Variants in RBFOX1 observed in about 807,000 individuals in gnomAD.
RBFOX1 encodes the protein RNA binding fox-1 homolog 1, also known as RNA binding protein fox-1 homolog 1.
In RBFOX1, 8 loss-of-function variants were observed where a neutral mutation model predicts 57.7. The observed-to-expected ratio is 0.14, with a 90% CI of 0.08 to 0.25. The LOEUF is 0.25. Ranked by LOEUF, RBFOX1 falls within the 10% of genes least tolerant of loss-of-function variation. RBFOX1 has a pLI of 1.00. For missense variants in RBFOX1, 611 were observed against 548.5 expected, an observed-to-expected ratio of 1.11 and a Z score of -1.14; for synonymous variants, 326 against 222.4, an observed-to-expected ratio of 1.47 and a Z score of -4.15.
At chr16:5,868,076 G>A (rs2057385014) in intron 4 of RBFOX1, among the ~76,000 whole-genome samples, 1 of 152,138 alleles carries the variant, frequency 6.6e-6, no homozygotes, top group African/African-American at 2.4e-5. Flanking sequence ...TGACAACATA[G>A]GTAAAGAATA....
chr16:7,534,378 C>A (rs1056916818), intron 5 of RBFOX1, among the ~76,000 whole-genome samples: 2 of 152,002 alleles, frequency 1.3e-5, no homozygotes, highest in African/African-American at 4.8e-5. Context: ...CAGGCATGAA[C>A]CACAGTGCAC....
At chr16:7,478,161 G>C (rs2063131096) in intron 4 of RBFOX1, among the ~76,000 whole-genome samples, 1 of 152,208 alleles carries the variant, frequency 6.6e-6, no homozygotes, top group Non-Finnish European at 1.5e-5. Context: ...ATCTGTAAAA[G>C]AAAGTTTTTT....
At position 7,685,398 on chromosome 16, in the gene RBFOX1, T is replaced by C. The variant is rs146048367; in HGVS notation, c.995+8560T>C. On this transcript the variant is annotated intron_variant, in intron 14 of 15. Coordinates refer to ENST00000550418, the MANE Select transcript of RBFOX1 (RefSeq NM_018723.4). ...ACAATTAATTCTTTACCCCAAAAGA[T>C]CCGTGGACGGAAACAGTTATTTATG... Among the ~76,000 whole-genome samples, 5 of 152,230 alleles carry C rather than the reference T, an allele frequency of 3.3e-5. No individual in the cohort carries two copies. In the East Asian group the frequency reaches 9.7e-4, roughly 29 times the overall value.
intron 1 of RBFOX1, among the ~76,000 whole-genome samples, chr16:6,123,775 C>A (rs2096568676): frequency 6.6e-6 from 1 of 152,154 alleles, no homozygotes; most frequent in African/African-American, 2.4e-5. Flanking sequence ...CATGTTGGCA[C>A]ATGCCTGTAA....
At chr16:6,851,532 T>A (rs532712623) in intron 3 of RBFOX1, among the ~76,000 whole-genome samples, 3 of 152,216 alleles carry the variant, frequency 2.0e-5, no homozygotes, top group Admixed American at 1.3e-4. Context: ...ATTTTACATA[T>A]TAAATTTTTA....
chr16:7,633,294 T>A (rs1468326903), intron 11 of RBFOX1, among the ~76,000 whole-genome samples: 1 of 152,254 alleles, frequency 6.6e-6, no homozygotes, highest in Non-Finnish European at 1.5e-5. Context: ...TGTGTGTAGC[T>A]GTACCTTTTT....
intron 1 of RBFOX1, among the ~76,000 whole-genome samples, chr16:5,325,538 G>C (rs1442922836): frequency 2.6e-5 from 4 of 152,022 alleles, no homozygotes; most frequent in Admixed American, 2.6e-4. Context: ...CTATAGTCAG[G>C]GTAAAGAACA....
At chr16:5,517,048 G>C (rs71390668) in intron 2 of RBFOX1, among the ~76,000 whole-genome samples, 17,248 of 151,446 alleles carry the variant, frequency 0.11, 1,123 homozygotes, top group Middle Eastern at 0.15. Context: ...GTGCATACAG[G>C]TTCATAAAAA....
chr16:6,053,753 C>G (rs2095581167), intron 1 of RBFOX1, among the ~76,000 whole-genome samples: 1 of 152,116 alleles, frequency 6.6e-6, no homozygotes, highest in African/African-American at 2.4e-5. Flanking sequence ...CTTGTACAAT[C>G]TTAATGGGAC....
intron 3 of RBFOX1, among the ~76,000 whole-genome samples, chr16:7,011,055 T>A (rs1481791049): frequency 4.7e-5 from 7 of 148,466 alleles, no homozygotes; most frequent in Non-Finnish European, 1.0e-4. Flanking sequence ...GCCTTTTAAT[T>A]GAAAGCAAAT....
In RBFOX1 at chr16:6,696,243, A is replaced by G. The variant is rs2061025555; in HGVS notation, c.-16+41593A>G. On this transcript the variant is annotated intron_variant, in intron 3 of 15. Transcript: ENST00000550418. ...GAGGTATACAATATCTGTTTGTACCACTATTACAGGCACATAATTGTCATT... is the reference window on the plus strand; with the variant it reads ...GAGGTATACAATATCTGTTTGTACCGCTATTACAGGCACATAATTGTCATT... 3.9e-5 allele frequency among the ~76,000 whole-genome samples: 6 copies of G among 152,330 alleles called. No homozygotes were observed. In the South Asian group the frequency reaches 1.2e-3, roughly 32 times the overall value.
At chr16:7,155,202 A>C (rs1159912454) in intron 4 of RBFOX1, among the ~76,000 whole-genome samples, 1 of 152,144 alleles carries the variant, frequency 6.6e-6, no homozygotes, top group Admixed American at 6.6e-5. Context: ...GCTGAAACAA[A>C]GTTTTTAGCT....
intron 1 of RBFOX1, among the ~76,000 whole-genome samples, chr16:6,109,147 T>C (rs2096415694): frequency 6.6e-6 from 1 of 152,188 alleles, no homozygotes; most frequent in Admixed American, 6.5e-5. Flanking sequence ...TCAGTATCAG[T>C]GGGGGCGTTT....
chr16:6,746,851 C>G (rs567526058), intron 3 of RBFOX1, among the ~76,000 whole-genome samples: 8 of 152,074 alleles, frequency 5.3e-5, no homozygotes, highest in Middle Eastern at 3.2e-3. Flanking sequence ...TTTTATTAAG[C>G]ATAACAACTC....
chr16:5,249,987 TGAG>T (rs1450326162), intron 1 of RBFOX1, among the ~76,000 whole-genome samples: 1 of 150,354 alleles, frequency 6.7e-6, no homozygotes, highest in African/African-American at 2.5e-5. Flanking sequence ...CAGATTGCAG[TGAG>T]GAGGAGGTTG....
chr16:7,374,157 G>C (rs1415509610), intron 4 of RBFOX1, among the ~76,000 whole-genome samples: 1 of 152,182 alleles, frequency 6.6e-6, no homozygotes, highest in Middle Eastern at 3.2e-3. Flanking sequence ...GACAGGGTTT[G>C]CAGATGATGT....
At chr16:5,502,929 G>T (rs565916337) in intron 2 of RBFOX1, among the ~76,000 whole-genome samples, 1 of 152,218 alleles carries the variant, frequency 6.6e-6, no homozygotes, top group African/African-American at 2.4e-5. Context: ...TCCCCCTGCA[G>T]AGGAAATTCT....
intron 2 of RBFOX1, among the ~76,000 whole-genome samples, chr16:6,595,038 C>T (rs549442409): frequency 2.0e-4 from 30 of 152,316 alleles, no homozygotes; most frequent in African/African-American, 6.7e-4. Context: ...CCACCCGCCT[C>T]TGCCTCCCAA....
In RBFOX1 at chr16:5,988,714, C is replaced by T. The variant is rs150400653; in HGVS notation, c.351+121379C>T. On this transcript the variant is annotated intron_variant, in intron 4 of 19. Transcript: ENST00000641259. ...GGGTTGCATCCCAGGAAGTGCCTGT[C>T]AGGGTGACATCTTTGTGGATCAGTA... Among the ~76,000 whole-genome samples, 5 of 152,286 alleles carry T rather than the reference C, an allele frequency of 3.3e-5. No homozygotes were observed. In the East Asian group the frequency reaches 9.7e-4, roughly 29 times the overall value.
Sources: gnomAD v4.1 joint callset for allele counts (sites outside exome capture counted in the v4.1 genomes callset) on GRCh38, gnomAD v4.1.1 for gene constraint, MANE v1.5 for transcripts, NCBI Gene and HGNC (gene_info 2026-07-23, HGNC 2026-07-21) for gene names.